Variants in SDK1 observed in about 807,000 individuals in gnomAD.
SDK1 encodes sidekick cell adhesion molecule 1, also known as protein sidekick-1.
In SDK1, 157 loss-of-function variants were observed where a neutral mutation model predicts 245.5. The ratio of observed to expected loss-of-function variants is 0.64; its 90% CI spans 0.56 to 0.73. SDK1 has a LOEUF of 0.73. Ranked by LOEUF, SDK1 falls within the 30% of genes least tolerant of loss-of-function variation. SDK1 has a pLI of 0.00. For synonymous variants in SDK1, 1,647 were observed against 1,278.5 expected, an observed-to-expected ratio of 1.29 and a Z score of -6.15; for missense variants, 3,583 against 3,002.3, an observed-to-expected ratio of 1.19 and a Z score of -4.52.
intron 1 of SDK1, among the ~76,000 whole-genome samples, chr7:3,478,803 C>G (rs1435811637): frequency 6.6e-6 from 1 of 151,834 alleles, no homozygotes; most frequent in Non-Finnish European, 1.5e-5. Context: ...TATTTTCAGC[C>G]TATATTCTTT....
chr7:3,989,357 G>T (rs1166060325), intron 14 of SDK1, among the ~76,000 whole-genome samples: 1 of 152,146 alleles, frequency 6.6e-6, no homozygotes, highest in African/African-American at 2.4e-5. Context: ...GGAGAGACCT[G>T]CCCCCATGAT....
chr7:3,914,337 A>C (rs1779292894), intron 5 of SDK1, among the ~76,000 whole-genome samples: 1 of 152,204 alleles, frequency 6.6e-6, no homozygotes, highest in Non-Finnish European at 1.5e-5. Flanking sequence ...TTCGGAAATC[A>C]GGAGGGGGCA....
chr7:3,411,099 G>C (rs1158036185), intron 1 of SDK1, among the ~76,000 whole-genome samples: 1 of 152,162 alleles, frequency 6.6e-6, no homozygotes, highest in Non-Finnish European at 1.5e-5. Flanking sequence ...CTTACAGAAA[G>C]GTAGGAGTGA....
chr7:3,541,334 G>A (rs1206240300), intron 1 of SDK1, among the ~76,000 whole-genome samples: 4 of 152,232 alleles, frequency 2.6e-5, no homozygotes, highest in African/African-American at 9.6e-5. Flanking sequence ...CTTGCTCAGA[G>A]CCATGCAGGC....
intron 5 of SDK1, among the ~76,000 whole-genome samples, chr7:3,904,435 C>A (rs1222632086): frequency 1.3e-5 from 2 of 152,134 alleles, no homozygotes; most frequent in Non-Finnish European, 2.9e-5. Flanking sequence ...CAGTGACTCA[C>A]ACCTGTAATG....
At chr7:3,357,136 T>G (rs949059549) in intron 1 of SDK1, among the ~76,000 whole-genome samples, 2 of 151,642 alleles carry the variant, frequency 1.3e-5, no homozygotes, top group Non-Finnish European at 2.9e-5. Flanking sequence ...AAATACCTGC[T>G]TGACCACATT....
chr7:4,031,216 TACAC>T (rs1186897402), intron 17 of SDK1, among the ~76,000 whole-genome samples: 1 of 152,208 alleles, frequency 6.6e-6, no homozygotes, highest in East Asian at 1.9e-4. Context: ...TCCTCACACA[TACAC>T]ATATGCATGC....
In SDK1 at chr7:4,168,959, C is replaced by T. The variant is rs117532938; in HGVS notation, c.4801-5263C>T. On this transcript the variant is annotated intron_variant, in intron 32 of 44. Coordinates refer to ENST00000404826, the MANE Select transcript of SDK1 (RefSeq NM_152744.4). ...GCAAGGACAGGACTCCCAGCAGGACCGCCTGGGACCATCTGGGTGGACCAG... is the reference window on the plus strand; with the variant it reads ...GCAAGGACAGGACTCCCAGCAGGACTGCCTGGGACCATCTGGGTGGACCAG... 2.9e-4 allele frequency among the ~76,000 whole-genome samples: 44 copies of T among 152,332 alleles called. No homozygotes were observed. In the East Asian group the frequency reaches 6.6e-3, roughly 23 times the overall value.
chr7:3,426,476 A>C (rs915960082), intron 1 of SDK1, among the ~76,000 whole-genome samples: 11 of 152,274 alleles, frequency 7.2e-5, no homozygotes, highest in African/African-American at 2.4e-4. Flanking sequence ...TTCTCTCTAA[A>C]TGGTGATAAT....
chr7:3,740,653 A>G (rs78358027), intron 4 of SDK1, among the ~76,000 whole-genome samples: 8,738 of 152,242 alleles, frequency 0.057, 331 homozygotes, highest in Middle Eastern at 0.12. Flanking sequence ...TTGGTTTTCA[A>G]GGGTCCTGTG....
In SDK1 at chr7:4,268,140, C is replaced by G. The variant is rs3823687; in HGVS notation, c.*2756C>G. 1.2e-5 allele frequency: 12 copies of G among 985,970 alleles called. No homozygotes were observed. In the South Asian group the frequency reaches 2.3e-4, roughly 19 times the overall value. 61.1% of individuals were successfully genotyped at this position (985,970 alleles called of 1,614,324 possible). On this transcript the variant is annotated 3_prime_UTR_variant, in exon 45 of 45. Transcript: ENST00000404826. ...CTGCCGTGCTGAAAGTCATGCCTTG[C>G]GGATGCCTCATGACAGCAGTGGCTG...
intron 1 of SDK1, among the ~76,000 whole-genome samples, chr7:3,609,167 C>G (rs901878847): frequency 6.6e-6 from 1 of 152,108 alleles, no homozygotes; most frequent in Non-Finnish European, 1.5e-5. Flanking sequence ...TTAAAGTTCA[C>G]AGGTTTACTC....
intron 1 of SDK1, among the ~76,000 whole-genome samples, chr7:3,480,360 T>C: frequency 6.6e-6 from 1 of 152,010 alleles, no homozygotes; most frequent in East Asian, 1.9e-4. Flanking sequence ...CATATGCTCA[T>C]GTAGGAACTA....
intron 1 of SDK1, among the ~76,000 whole-genome samples, chr7:3,570,433 A>G (rs1269013464): frequency 6.6e-6 from 1 of 152,046 alleles, no homozygotes. Flanking sequence ...CCTGCTGTGC[A>G]GCTGGTTCCT....
Position 3,656,202 on chromosome 7 carries a change from C to T in SDK1, c.713+14097C>T, listed in dbSNP as rs1323941322. Reference sequence around the variant, plus strand: ...AGTAGATATGCCCCCTCCATCCTTCCCTTCTCCTTTACTTCCATCCCATTT... The same window carrying T: ...AGTAGATATGCCCCCTCCATCCTTCTCTTCTCCTTTACTTCCATCCCATTT... On this transcript the variant is annotated intron_variant, in intron 4 of 44. Coordinates refer to ENST00000404826, the MANE Select transcript of SDK1 (RefSeq NM_152744.4). Among the ~76,000 whole-genome samples, 5 of 152,178 alleles carry T rather than the reference C, an allele frequency of 3.3e-5. No individual in the cohort carries two copies. In the East Asian group the frequency reaches 7.7e-4, roughly 23 times the overall value.
At chr7:3,950,215 T>C (rs1171049149) in intron 5 of SDK1, among the ~76,000 whole-genome samples, 1 of 152,210 alleles carries the variant, frequency 6.6e-6, no homozygotes, top group Non-Finnish European at 1.5e-5. Context: ...TGGCTGTGCT[T>C]GGACCCCATC....
chr7:3,515,027 G>C (rs1782697978), intron 1 of SDK1, among the ~76,000 whole-genome samples: 1 of 152,142 alleles, frequency 6.6e-6, no homozygotes, highest in Non-Finnish European at 1.5e-5. Context: ...TAGGCTTGGA[G>C]GGTGCCTTTG....
At chr7:3,438,016 G>A (rs1049819797) in intron 1 of SDK1, among the ~76,000 whole-genome samples, 1 of 152,134 alleles carries the variant, frequency 6.6e-6, no homozygotes, top group African/African-American at 2.4e-5. Context: ...GTTGGGGCAA[G>A]TGGAATTATT....
At chr7:4,198,481 C>T (rs1474975566) in intron 35 of SDK1, among the ~76,000 whole-genome samples, 2 of 152,250 alleles carry the variant, frequency 1.3e-5, no homozygotes, top group African/African-American at 4.8e-5. Flanking sequence ...TGCCTCGGAG[C>T]AGGATCTGCA....
Sources: allele counts gnomAD v4.1 joint callset (sites outside exome capture counted in the v4.1 genomes callset), GRCh38; gene constraint gnomAD v4.1.1; transcripts MANE v1.5; gene names NCBI Gene and HGNC (gene_info 2026-07-23, HGNC 2026-07-21).